PTPRN2: variants seen among roughly 807,000 people sequenced by gnomAD.
PTPRN2 encodes the protein protein tyrosine phosphatase receptor type N2.
In PTPRN2, 74 loss-of-function variants were observed where a neutral mutation model predicts 118.8. The ratio of observed to expected loss-of-function variants is 0.62; its 90% CI spans 0.52 to 0.76. PTPRN2 has a LOEUF of 0.76. PTPRN2 is among the 30% of genes least tolerant of loss of function. PTPRN2 has a pLI of 0.00. For synonymous variants in PTPRN2, 641 were observed against 608.0 expected, an observed-to-expected ratio of 1.05 and a Z score of -0.80; for missense variants, 1,481 against 1,394.4, an observed-to-expected ratio of 1.06 and a Z score of -0.99.
At chr7:158,077,574 A>T (rs10237558) in intron 11 of PTPRN2, among the ~76,000 whole-genome samples, 59 of 29,630 alleles carry the variant, frequency 2.0e-3, no homozygotes, top group African/African-American at 3.6e-3. Context: ...CCCCCACCAC[A>T]CAGGGCTGAG....
At chr7:157,557,552 C>CA (rs1798968002) in intron 21 of PTPRN2, among the ~76,000 whole-genome samples, 45 of 149,730 alleles carry the variant, frequency 3.0e-4, no homozygotes, top group African/African-American at 9.6e-4. Flanking sequence ...ACACACACTC[C>CA]CACACACACA....
intron 11 of PTPRN2, among the ~76,000 whole-genome samples, chr7:157,900,474 C>T (rs1468945985): frequency 6.6e-6 from 1 of 152,234 alleles, no homozygotes; most frequent in African/African-American, 2.4e-5. Flanking sequence ...ACATCCAGAC[C>T]TCTGGCTCCA....
chr7:157,605,836 G>A (rs150480562), intron 15 of PTPRN2, among the ~76,000 whole-genome samples: 3 of 152,326 alleles, frequency 2.0e-5, no homozygotes, highest in Non-Finnish European at 4.4e-5. Flanking sequence ...GAGTGGCCGT[G>A]GGCAGGCCTG....
chr7:157,922,703 G>A (rs201511929), intron 11 of PTPRN2, among the ~76,000 whole-genome samples: 37 of 152,298 alleles, frequency 2.4e-4, no homozygotes, highest in Middle Eastern at 6.8e-3. Flanking sequence ...CATCACCAGC[G>A]GCAATCGTCT....
chr7:158,117,183 CAG>C (rs200258860), intron 9 of PTPRN2, among the ~76,000 whole-genome samples: 3,397 of 152,016 alleles, frequency 0.022, 74 homozygotes, highest in Admixed American at 0.057. Flanking sequence ...TAAAGAAAGT[CAG>C]AAAAATTATG....
rs912224177 is a variant in PTPRN2, at chr7:157,671,019, G to A, written c.2001+11706C>T. Among the ~76,000 whole-genome samples, 8 of 152,174 alleles carry A rather than the reference G, an allele frequency of 5.3e-5. No individual in the cohort carries two copies. The highest frequency in any genetic ancestry group is 2.1e-4 in the South Asian group (1 of 4,832). On this transcript the variant is annotated intron_variant, in intron 13 of 22. Coordinates refer to ENST00000389418, the MANE Select transcript of PTPRN2 (RefSeq NM_002847.5). This position sits in a 1 kb window ranked among gnomAD's most constrained non-coding sequence, Gnocchi z 4.1. ...ATCACCCGCATCTTCAGCCTGCAGC[G>A]CGTAGGGAGGACTCCCCATGGGCGG...
chr7:158,300,549 C>T (rs560078938), intron 3 of PTPRN2, among the ~76,000 whole-genome samples: 82 of 2,432 alleles, frequency 0.034, 1 homozygote, highest in African/African-American at 0.065. Flanking sequence ...CCAATCTGCA[C>T]GCCCACAGCG....
rs1450873308 is a variant in PTPRN2 at position 157,986,908 on chromosome 7, GTGACTT to G, written c.1724-88177_1724-88172del. ...AGTGAATCTGGAGCGAGGGGGCCCA[GTGACTT>G]TGGGGTCATTTGCACGGTATCAGCT... On this transcript the variant is annotated intron_variant, in intron 11 of 22. Coordinates refer to ENST00000389418, the MANE Select transcript of PTPRN2 (RefSeq NM_002847.5). The surrounding 1 kb of genome is among the most constrained non-coding windows in gnomAD (Gnocchi z 4.5). Among the ~76,000 whole-genome samples, 1 of 152,180 alleles carries G rather than the reference GTGACTT, an allele frequency of 6.6e-6. No homozygotes were observed. Among genetic ancestry groups the G allele is most frequent in the Non-Finnish European group, 1.5e-5 (1 of 68,042 alleles).
rs1338451385 is a variant in PTPRN2, at chr7:158,571,082, T to G, written c.112+16476A>C. On this transcript the variant is annotated intron_variant, in intron 1 of 22. Coordinates refer to ENST00000389418, the MANE Select transcript of PTPRN2 (RefSeq NM_002847.5). ...TCCATTCTGTTTTATTTCATTTGAT[T>G]TTATTTCATTTTATTTCCAAGCCCT... Among the ~76,000 whole-genome samples the G allele has an allele frequency of 2.0e-5, 3 of 152,254 alleles. No homozygotes were observed. The South Asian group carries it at 6.2e-4, about 31-fold the overall frequency.
chr7:158,243,221 G>A (rs1315049363), intron 3 of PTPRN2, among the ~76,000 whole-genome samples: 2 of 152,198 alleles, frequency 1.3e-5, no homozygotes, highest in East Asian at 1.9e-4. Context: ...GACACAGCAG[G>A]AAAGCAGGAA....
Position 158,102,897 on chromosome 7 carries a change from G to A in PTPRN2, c.1643+7932C>T, listed in dbSNP as rs530403097. Among the ~76,000 whole-genome samples the A allele has an allele frequency of 4.9e-4, 75 of 152,296 alleles. 1 individual carries two copies. The highest frequency in any genetic ancestry group is 3.9e-4 in the East Asian group (2 of 5,176). On this transcript the variant is annotated intron_variant, in intron 10 of 22. Transcript: ENST00000389418. ...GGTGCAGGGAAGGCACTGCAGACCC[G>A]GGAGGACACACCCCCAGGACAGTAC...
chr7:157,634,476 C>T (rs1227561179), intron 14 of PTPRN2, among the ~76,000 whole-genome samples: 2 of 152,148 alleles, frequency 1.3e-5, no homozygotes, highest in Non-Finnish European at 2.9e-5. Context: ...GTAAAGACAA[C>T]CGAATCACTA....
Position 158,523,678 on chromosome 7 carries a change from CGGAGTCGTCTGCCCTGGAGT to C in PTPRN2, c.113-33913_113-33894del, listed in dbSNP as rs1563393255. On this transcript the variant is annotated intron_variant, in intron 1 of 22. Transcript: ENST00000389418. ...TGGAGTGGAGTCGTCTGCCCTGGAG[CGGAGTCGTCTGCCCTGGAGT>C]GGAGTCGTCTGCCCTGGAGTGGAGT... Among the ~76,000 whole-genome samples the C allele has an allele frequency of 1.5e-3, 127 of 85,046 alleles. 1 individual carries two copies. The highest frequency in any genetic ancestry group is 2.5e-3 in the Non-Finnish European group (108 of 42,790). 55.8% of individuals were successfully genotyped at this position (85,046 alleles called of 152,430 possible).
At chr7:157,882,110 T>C (rs1796164642) in intron 12 of PTPRN2, among the ~76,000 whole-genome samples, 1 of 148,416 alleles carries the variant, frequency 6.7e-6, no homozygotes, top group Non-Finnish European at 1.5e-5. Flanking sequence ...CTGTCATACA[T>C]CAGCACATGC....
At chr7:158,144,944 C>T (rs73173616) in intron 6 of PTPRN2, among the ~76,000 whole-genome samples, 3,817 of 130,824 alleles carry the variant, frequency 0.029, 147 homozygotes, top group African/African-American at 0.054. Flanking sequence ...TGCCACGGCT[C>T]GGCAAGACTT....
intron 14 of PTPRN2, among the ~76,000 whole-genome samples, chr7:157,624,142 C>T (rs537715033): frequency 1.3e-4 from 20 of 152,186 alleles, no homozygotes; most frequent in African/African-American, 4.1e-4. Context: ...GCATTGAGGC[C>T]GGGCTCGGTG....
chr7:158,310,458 G>A (rs980836880), intron 3 of PTPRN2, among the ~76,000 whole-genome samples: 13 of 152,232 alleles, frequency 8.5e-5, no homozygotes, highest in Non-Finnish European at 1.5e-4. Flanking sequence ...GAGGACCATG[G>A]CCGAATGCGT....
chr7:157,802,087 G>A (rs1365244132), intron 12 of PTPRN2, among the ~76,000 whole-genome samples: 3 of 152,138 alleles, frequency 2.0e-5, no homozygotes, highest in East Asian at 1.9e-4. Context: ...CTTCACTTCC[G>A]TGTGCTAAGA....
chr7:157,946,989 C>G (rs1447435582), intron 11 of PTPRN2, among the ~76,000 whole-genome samples: 1 of 152,204 alleles, frequency 6.6e-6, no homozygotes, highest in Non-Finnish European at 1.5e-5. Context: ...AAGAGGTGAA[C>G]TCCTGAGCAG....
Sources: allele counts gnomAD v4.1 joint callset (sites outside exome capture counted in the v4.1 genomes callset), GRCh38; gene constraint gnomAD v4.1.1; non-coding constraint Gnocchi (gnomAD v3.1); transcripts MANE v1.5; gene names NCBI Gene and HGNC (gene_info 2026-07-23, HGNC 2026-07-21).